The following AFP variants were observed in gnomAD, a reference collection of about 807,000 sequenced individuals.
AFP encodes the protein alpha fetoprotein.
Under a neutral mutation model 78.9 loss-of-function variants are expected in AFP, and 64 were observed. The observed-to-expected ratio is 0.81, with a 90% CI of 0.66 to 1.00. The LOEUF (loss-of-function observed/expected upper bound fraction) is 1.00. Among genes scored for constraint, AFP ranks in the 50% least tolerant of loss-of-function variants. The pLI, the probability that AFP is intolerant of heterozygous loss-of-function variation, is 0.00. For synonymous variants in AFP, 254 were observed against 243.8 expected, an observed-to-expected ratio of 1.04 and a Z score of -0.39; for missense variants, 689 against 703.8, an observed-to-expected ratio of 0.98 and a Z score of 0.24.
intron 7 of AFP, among the ~76,000 whole-genome samples, chr4:73,446,811 T>C (rs973095689): frequency 6.6e-6 from 1 of 152,220 alleles, no homozygotes; most frequent in Non-Finnish European, 1.5e-5. Context: ...CACATTTCCC[T>C]CTTATTTGTA....
In AFP at chr4:73,440,685, A is replaced by T; in HGVS notation, c.354A>T (p.Glu118Asp). The T allele has an allele frequency of 6.2e-7, 1 of 1,614,188 alleles. No individual in the cohort carries two copies. The highest frequency in any genetic ancestry group is 1.1e-5 in the South Asian group (1 of 91,080). Residue 118 changes from glutamate (E) to aspartate (D), a missense_variant, in exon 4 of 15, where the codon GAA becomes GAT. Glu to Asp is a conservative substitution (Grantham distance 45, BLOSUM62 2). Transcript: ENST00000395792. Reference sequence around the variant, plus strand: ...ATTCAGACTGCTGCAGCCAAAGTGAAGAGGGAAGACATAACTGTTTTCTTG... The same window carrying T: ...ATTCAGACTGCTGCAGCCAAAGTGATGAGGGAAGACATAACTGTTTTCTTG... ...YGHSDCCSQS[E>D]EGRHNCFLAH...
chr4:73,455,358 T>C, intron 14 of AFP, 68 bp downstream of exon 14: 2 of 1,303,430 alleles, frequency 1.5e-6, no homozygotes, highest in Non-Finnish European at 2.2e-6. Context: ...CATAATGAGA[T>C]AGATCATGAG....
intron 5 of AFP, among the ~76,000 whole-genome samples, chr4:73,442,694 A>G (rs547203601): frequency 1.5e-4 from 23 of 152,160 alleles, no homozygotes; most frequent in Non-Finnish European, 2.8e-4. Context: ...GAAAGAGAGA[A>G]AGAGAGGGTG....
At chr4:73,447,742 T>G in intron 8 of AFP, 66 bp downstream of exon 8, 1 of 1,334,232 alleles carries the variant, frequency 7.5e-7, no homozygotes, top group Non-Finnish European at 1.1e-6. Context: ...AGATTTGCGT[T>G]GTTGAAATGG....
chr4:73,453,557 C>T, intron 12 of AFP: 1 of 585,286 alleles, frequency 1.7e-6, no homozygotes. Flanking sequence ...TATCCACAAC[C>T]TGCACAACTC....
chr4:73,451,338 T>C (rs1719985622), intron 11 of AFP, among the ~76,000 whole-genome samples: 1 of 152,216 alleles, frequency 6.6e-6, no homozygotes, highest in Non-Finnish European at 1.5e-5. Context: ...ATGTCACTAG[T>C]ATCATACATA....
chr4:73,442,261 G>T, intron 4 of AFP, 35 bp from the exon 5 acceptor site: 1 of 1,599,320 alleles, frequency 6.3e-7, no homozygotes, highest in Non-Finnish European at 8.6e-7. Flanking sequence ...ATTTTTAGGT[G>T]TTTATAAATC....
Position 73,437,225 on chromosome 4 carries a change from A to G in AFP, c.137+14A>G. Reference sequence around the variant, plus strand: ...TTTAGCTGACCTGTAAGTTTTGCTTATATAAATGTACTTTAAATGTGTAAA... The same window carrying G: ...TTTAGCTGACCTGTAAGTTTTGCTTGTATAAATGTACTTTAAATGTGTAAA... On this transcript the variant is annotated intron_variant, in intron 2 of 14. Coordinates refer to ENST00000395792, the MANE Select transcript of AFP (RefSeq NM_001134.3). 1 of 1,591,940 alleles carries G rather than the reference A, an allele frequency of 6.3e-7. No homozygotes were observed.
chr4:73,445,960 C>A (rs1447992461), intron 7 of AFP, among the ~76,000 whole-genome samples: 1 of 152,092 alleles, frequency 6.6e-6, no homozygotes, highest in Non-Finnish European at 1.5e-5. Flanking sequence ...GATTAAAATC[C>A]AAGGAGCTTA....
At chr4:73,439,584 G>A (rs1360754877) in intron 3 of AFP, among the ~76,000 whole-genome samples, 4 of 152,014 alleles carry the variant, frequency 2.6e-5, no homozygotes, top group Non-Finnish European at 4.4e-5. Flanking sequence ...GAAATCTTAC[G>A]TAAGCCTTCC....
At chr4:73,451,088 C>G (rs1342850375) in intron 11 of AFP, among the ~76,000 whole-genome samples, 1 of 152,190 alleles carries the variant, frequency 6.6e-6, no homozygotes, top group Non-Finnish European at 1.5e-5. Context: ...ATAATTTCTG[C>G]TTTTTGTTCA....
In AFP at chr4:73,452,395, A is replaced by G. The variant is rs1720021759; in HGVS notation, c.1429-6A>G. On this transcript the variant is annotated splice_polypyrimidine_tract_variant and splice_region_variant and intron_variant, in intron 11 of 14. Transcript: ENST00000395792. ...CCTTACTTTTTTTTCTCATTCTCCT[A>G]ACCAGGCTGACATTATTATCGGACA... The G allele has an allele frequency of 6.2e-7, 1 of 1,613,370 alleles. No individual in the cohort carries two copies. Among genetic ancestry groups the G allele is most frequent in the Non-Finnish European group, 8.5e-7 (1 of 1,179,366 alleles).
chr4:73,443,347 G>C lies in AFP; in HGVS notation c.616G>C (p.Ala206Pro). 6.2e-7 allele frequency: 1 copy of C among 1,609,900 alleles called. No individual in the cohort carries two copies. The highest frequency in any genetic ancestry group is 1.3e-5 in the African/African-American group (1 of 74,906). The change falls in exon 6 of 15, where the codon GCA becomes CCA. Residue 206 changes from alanine to proline, a missense_variant and splice_region_variant. Ala to Pro is a conservative substitution (Grantham distance 27). Transcript: ENST00000395792. ...GACATTTTGTTTCCTCTACATCTAG[G>C]CAGCAACAGTTACAAAAGAATTAAG... Reference protein sequence around the residue: ...ENAVECFQTKAATVTKELRES... With the variant: ...ENAVECFQTKPATVTKELRES...
At chr4:73,449,282 C>T (rs1190749256) in intron 8 of AFP, 53 bp from the exon 9 acceptor site, 3 of 1,536,318 alleles carry the variant, frequency 2.0e-6, no homozygotes, top group Admixed American at 1.7e-5. Flanking sequence ...AGTGATGGCT[C>T]CTTTTGTCTC....
At chr4:73,439,403 A>C (rs897637142) in intron 3 of AFP, among the ~76,000 whole-genome samples, 1 of 152,160 alleles carries the variant, frequency 6.6e-6, no homozygotes, top group Non-Finnish European at 1.5e-5. Context: ...TCTGTTTTGC[A>C]TCTCTATTTT....
chr4:73,449,198 A>G lies in AFP; in HGVS notation c.1059-137A>G, dbSNP rs1221078791. On this transcript the variant is annotated intron_variant, in intron 8 of 14. Coordinates refer to ENST00000395792, the MANE Select transcript of AFP (RefSeq NM_001134.3). ...CAGTTTTGCCATTCATATAATTCAA[A>G]TCATATTTGATTTTCAGGTTTATTT... The G allele has an allele frequency of 6.3e-6, 5 of 797,414 alleles. No homozygotes were observed. The South Asian group carries it at 8.8e-5, about 14-fold the overall frequency. The allele number at this position is 797,414 out of a possible 1,614,324, so 49.4% of individuals were successfully genotyped here.
intron 12 of AFP, among the ~76,000 whole-genome samples, chr4:73,452,888 G>T (rs1455004854): frequency 6.6e-6 from 1 of 152,154 alleles, no homozygotes; most frequent in Admixed American, 6.5e-5. Flanking sequence ...TGTATTTGGG[G>T]GTTGAGGAAA....
chr4:73,444,002 A>C (rs1258641147), intron 6 of AFP, among the ~76,000 whole-genome samples: 2 of 152,168 alleles, frequency 1.3e-5, no homozygotes, highest in Non-Finnish European at 2.9e-5. Context: ...TTTATGATAA[A>C]ACATTTCTAG....
rs765422731 is a variant in AFP at position 73,440,700 on chromosome 4, C to A, written c.369C>A (p.Asn123Lys). Residue 123 changes from asparagine (N) to lysine (K), a missense_variant, in exon 4 of 15, where the codon AAC becomes AAA. Coordinates refer to ENST00000395792, the MANE Select transcript of AFP (RefSeq NM_001134.3). Reference protein sequence around the residue: ...CCSQSEEGRHNCFLAHKKPTP... With the variant: ...CCSQSEEGRHKCFLAHKKPTP... ...GCCAAAGTGAAGAGGGAAGACATAA[C>A]TGTTTTCTTGCACACAAAAAGCCCA... 3 of 1,614,138 alleles carry A rather than the reference C, an allele frequency of 1.9e-6. No homozygotes were observed. The Admixed American group carries it at 5.0e-5, about 27-fold the overall frequency.
Sources: gnomAD v4.1 joint callset for allele counts (sites outside exome capture counted in the v4.1 genomes callset) on GRCh38, gnomAD v4.1.1 for gene constraint, MANE v1.5 for transcripts, NCBI Gene and HGNC (gene_info 2026-07-23, HGNC 2026-07-21) for gene names.